The following GOLM1 variants were observed in gnomAD, a reference collection of about 807,000 sequenced individuals.
The protein encoded by GOLM1 is epididymis luminal protein 46.
A neutral mutation model predicts 50.5 loss-of-function variants in GOLM1; 31 were observed. The observed-to-expected ratio is 0.61, with a 90% CI of 0.46 to 0.83. The LOEUF is 0.83. Ranked by LOEUF, GOLM1 falls within the 40% of genes least tolerant of loss-of-function variation. GOLM1 has a pLI of 0.00. For synonymous variants in GOLM1, 178 were observed against 192.8 expected (o/e 0.92, Z 0.64); for missense variants, 491 against 501.3 (o/e 0.98, Z 0.20).
At chr9:86,088,420 G>GTACATATATATATATATATA (rs1554675516) in intron 1 of GOLM1, among the ~76,000 whole-genome samples, 3 of 86,306 alleles carry the variant, frequency 3.5e-5, no homozygotes, top group Admixed American at 1.2e-4. Context: ...TTTGAAGGGT[G>GTACATATATATATATATATA]TATATATATA....
chr9:86,082,411 C>T (rs2118865999), intron 1 of GOLM1, among the ~76,000 whole-genome samples: 1 of 149,318 alleles, frequency 6.7e-6, no homozygotes, highest in African/African-American at 2.5e-5. Flanking sequence ...CAGGGTCTCA[C>T]TCTGTTGCTC....
intron 5 of GOLM1, among the ~76,000 whole-genome samples, chr9:86,041,945 GTC>G (rs373748665): frequency 5.9e-5 from 9 of 152,188 alleles, no homozygotes; most frequent in Non-Finnish European, 1.0e-4. Flanking sequence ...GTGAAACCCT[GTC>G]TCTATTAAAA....
At chr9:86,027,938 A>T in intron 9 of GOLM1, 45 bp from the exon 10 acceptor site, 4 of 1,177,150 alleles carry the variant, frequency 3.4e-6, no homozygotes, top group Non-Finnish European at 5.0e-6. Flanking sequence ...ATTAAATGAG[A>T]TACTAGCCCT....
At chr9:86,095,090 A>T (rs946085595) in intron 1 of GOLM1, among the ~76,000 whole-genome samples, 5 of 149,404 alleles carry the variant, frequency 3.3e-5, no homozygotes, top group African/African-American at 1.2e-4. Context: ...AAAAAAAAAG[A>T]AAAAGAAAAG....
rs115490680 is a variant in GOLM1 at position 86,075,919 on chromosome 9, G to A, written c.309+1493C>T. Among the ~76,000 whole-genome samples the A allele has an allele frequency of 7.5e-3, 1,143 of 152,226 alleles. 7 individuals are homozygous for A. Among genetic ancestry groups the A allele is most frequent in the African/African-American group, 0.026 (1,063 of 41,518 alleles). On this transcript the variant is annotated intron_variant, in intron 3 of 9. Transcript: ENST00000388712. ...TGCACAATTCCCAGAGAAGAAATAT[G>A]AGCTTGCAAATATAGGAAAGTACTC...
Position 86,046,502 on chromosome 9 carries a change from C to T in GOLM1, c.435G>A (p.Gln145=), listed in dbSNP as rs780359666. ...AGGAGAACTTCCTCTCCAGGTTGGT[C>T]TGGTTCTTCTGAAACTGGAGGACAT... is the stretch of plus-strand genomic sequence containing the variant. ...QQDVLQFQKN[Q]TNLERKFSYD... The change falls in exon 5 of 10, where the codon CAG becomes CAA. Residue 145 remains glutamine (Q), a synonymous_variant. Coordinates refer to ENST00000388712, the MANE Select transcript of GOLM1 (RefSeq NM_016548.4). The T allele has an allele frequency of 2.5e-6, 4 of 1,613,092 alleles. No homozygotes were observed. The highest frequency in any genetic ancestry group is 3.3e-4 in the Middle Eastern group (2 of 6,078).
chr9:86,052,729 G>C, intron 3 of GOLM1, 138 bp from the exon 4 acceptor site: 1 of 730,942 alleles, frequency 1.4e-6, no homozygotes, highest in Non-Finnish European at 2.5e-6. Context: ...CAGCGCTCAG[G>C]CTGGGCCCTC....
In GOLM1 at chr9:86,026,383, G is replaced by GT; in HGVS notation, c.*1433dup. The GT allele has an allele frequency of 1.0e-6, 1 of 985,272 alleles. No homozygotes were observed. Among genetic ancestry groups the GT allele is most frequent in the Non-Finnish European group, 1.2e-6 (1 of 829,878 alleles). The allele number at this position is 985,272 out of a possible 1,614,324, so 61.0% of individuals were successfully genotyped here. On this transcript the variant is annotated 3_prime_UTR_variant, in exon 10 of 10. Transcript: ENST00000388712. Reference sequence around the variant, plus strand: ...ACTAAGGACATCACATATGAAGAATGTTTAAGTTGGAGGTGGCAACGTGAA... The same window carrying GT: ...ACTAAGGACATCACATATGAAGAATGTTTTAAGTTGGAGGTGGCAACGTGAA...
At chr9:86,032,794 A>G (rs1833024094) in intron 9 of GOLM1, among the ~76,000 whole-genome samples, 1 of 152,224 alleles carries the variant, frequency 6.6e-6, no homozygotes, top group Non-Finnish European at 1.5e-5. Flanking sequence ...GCAAGAATTC[A>G]TCAGCCTGAA....
intron 1 of GOLM1, among the ~76,000 whole-genome samples, chr9:86,080,717 C>T (rs1834756852): frequency 6.6e-6 from 1 of 152,108 alleles, no homozygotes; most frequent in African/African-American, 2.4e-5. Flanking sequence ...CCAGAATTCC[C>T]ACGGGTGGAA....
At chr9:86,036,638 CCA>C (rs761681089) in intron 6 of GOLM1, 131 bp from the exon 7 acceptor site, 28 of 869,546 alleles carry the variant, frequency 3.2e-5, no homozygotes, top group Non-Finnish European at 4.0e-5. Context: ...CCGAGAAACG[CCA>C]CAGTCTACTC....
At chr9:86,034,622 C>A (rs1023124479) in intron 8 of GOLM1, among the ~76,000 whole-genome samples, 1 of 152,192 alleles carries the variant, frequency 6.6e-6, no homozygotes, top group African/African-American at 2.4e-5. Context: ...AATTCTTTAA[C>A]TGGAACTTGG....
chr9:86,042,032 G>A (rs1417738678), intron 5 of GOLM1, among the ~76,000 whole-genome samples: 3 of 152,134 alleles, frequency 2.0e-5, no homozygotes, highest in African/African-American at 7.2e-5. Flanking sequence ...CAGGAGAATG[G>A]CGTGAACCCG....
intron 3 of GOLM1, among the ~76,000 whole-genome samples, chr9:86,072,942 A>G (rs1427812621): frequency 6.6e-6 from 1 of 152,234 alleles, no homozygotes; most frequent in Admixed American, 6.5e-5. Flanking sequence ...AAGATACAGT[A>G]AAAGTAGTAA....
chr9:86,076,421 C>CAAA (rs58193076), intron 3 of GOLM1, among the ~76,000 whole-genome samples: 334 of 23,312 alleles, frequency 0.014, 40 homozygotes, highest in South Asian at 0.047. Context: ...AACCCCATCT[C>CAAA]AAAAAAAAAA....
At chr9:86,097,805 C>T (rs1835398573) in intron 1 of GOLM1, among the ~76,000 whole-genome samples, 1 of 152,136 alleles carries the variant, frequency 6.6e-6, no homozygotes, top group Non-Finnish European at 1.5e-5. Flanking sequence ...GGGAAGGTGG[C>T]CATATATATA....
At chr9:86,068,479 C>T (rs1834366897) in intron 3 of GOLM1, among the ~76,000 whole-genome samples, 1 of 152,178 alleles carries the variant, frequency 6.6e-6, no homozygotes, top group Non-Finnish European at 1.5e-5. Flanking sequence ...GAAAAGAAGC[C>T]ACACTGCCAC....
At chr9:86,075,462 A>G (rs1477460539) in intron 3 of GOLM1, among the ~76,000 whole-genome samples, 1 of 152,176 alleles carries the variant, frequency 6.6e-6, no homozygotes, top group Non-Finnish European at 1.5e-5. Flanking sequence ...TATAAATATT[A>G]TCTCATTCAA....
intron 3 of GOLM1, among the ~76,000 whole-genome samples, chr9:86,056,463 C>T (rs1833989277): frequency 2.0e-5 from 3 of 150,952 alleles, no homozygotes. Flanking sequence ...AAGAAAAAAC[C>T]CTGAGTTCGA....
Sources: allele counts gnomAD v4.1 joint callset (sites outside exome capture counted in the v4.1 genomes callset), GRCh38; gene constraint gnomAD v4.1.1; transcripts MANE v1.5; gene names NCBI Gene and HGNC (gene_info 2026-07-23, HGNC 2026-07-21).